The following ERN1 variants were observed in gnomAD, a reference collection of about 807,000 sequenced individuals.
ERN1 encodes the protein serine/threonine-protein kinase/endoribonuclease IRE1.
Under a neutral mutation model 113.1 loss-of-function variants are expected in ERN1, and 39 were observed. The ratio of observed to expected loss-of-function variants is 0.34; its 90% CI spans 0.27 to 0.45. The LOEUF (loss-of-function observed/expected upper bound fraction) is 0.45. ERN1 is among the 20% of genes least tolerant of loss of function. The probability of loss-of-function intolerance (pLI) is 1.00; values close to 1 mark genes in which losing one functional copy is unlikely to be tolerated. For missense variants in ERN1, 976 were observed against 1,274.8 expected (o/e 0.77, Z 3.57); for synonymous variants, 507 against 515.9 (o/e 0.98, Z 0.23).
intron 10 of ERN1, 123 bp from the exon 11 acceptor site, chr17:64,060,710 TGTGA>T (rs1288954261): frequency 3.0e-6 from 2 of 674,586 alleles, no homozygotes; most frequent in Non-Finnish European, 5.3e-6. Context: ...TCAGCAGGAC[TGTGA>T]GTTAGAGAAA....
rs1913747175 is a variant in ERN1 at position 64,080,927 on chromosome 17, A to ACATGGGCTAGTGCACGTGAAGGTTATATG, written c.176-148_176-120dup. 3 of 916,394 alleles carry ACATGGGCTAGTGCACGTGAAGGTTATATG rather than the reference A, an allele frequency of 3.3e-6. No individual in the cohort carries two copies. The East Asian group carries it at 7.9e-5, about 24-fold the overall frequency. 56.8% of individuals were successfully genotyped at this position (916,394 alleles called of 1,614,324 possible). A position where few individuals can be genotyped will look rare whatever the true frequency, so the allele number is the denominator to read the frequency against. On this transcript the variant is annotated intron_variant, in intron 2 of 21. Coordinates refer to ENST00000433197, the MANE Select transcript of ERN1 (RefSeq NM_001433.5). ...ATAACTTTCTCCCTCCTGTTAACCT[A>ACATGGGCTAGTGCACGTGAAGGTTATATG]CATGGGCTAGTGCACGTGAAGGTTA... is the stretch of plus-strand genomic sequence containing the variant.
intron 1 of ERN1, among the ~76,000 whole-genome samples, chr17:64,099,074 T>C (rs1240033849): frequency 6.6e-6 from 1 of 152,214 alleles, no homozygotes; most frequent in African/African-American, 2.4e-5. Flanking sequence ...ACGTCCCATT[T>C]ATAAACACAA....
chr17:64,128,154 C>T (rs984679600), intron 1 of ERN1, among the ~76,000 whole-genome samples: 1 of 149,788 alleles, frequency 6.7e-6, no homozygotes, highest in Non-Finnish European at 1.5e-5. Flanking sequence ...GCTACCACGC[C>T]CGGCTAATTT....
At chr17:64,121,290 T>C (rs1328778114) in intron 1 of ERN1, among the ~76,000 whole-genome samples, 4 of 152,176 alleles carry the variant, frequency 2.6e-5, no homozygotes, top group African/African-American at 7.2e-5. Flanking sequence ...AAGAGTTCTA[T>C]CTTTTCAGGA....
intron 1 of ERN1, among the ~76,000 whole-genome samples, chr17:64,117,646 T>C (rs1163522230): frequency 6.6e-6 from 1 of 151,982 alleles, no homozygotes; most frequent in Non-Finnish European, 1.5e-5. Context: ...AGTGACGTGG[T>C]GCTATTTGGA....
At chr17:64,117,617 GT>G (rs1281038694) in intron 1 of ERN1, among the ~76,000 whole-genome samples, 1 of 152,122 alleles carries the variant, frequency 6.6e-6, no homozygotes, top group Non-Finnish European at 1.5e-5. Context: ...GCACCAACCT[GT>G]ACATTACCCC....
intron 1 of ERN1, among the ~76,000 whole-genome samples, chr17:64,113,809 A>C (rs569588851): frequency 6.6e-6 from 1 of 152,096 alleles, no homozygotes; most frequent in Admixed American, 6.5e-5. Flanking sequence ...CAGCCTCCCG[A>C]GTAGCTGGGA....
chr17:64,055,886 C>G lies in ERN1; in HGVS notation c.1461G>C (p.Gln487His), dbSNP rs775088353. 1.3e-6 allele frequency: 2 copies of G among 1,550,990 alleles called. No individual in the cohort carries two copies. The highest frequency in any genetic ancestry group is 1.2e-5 in the South Asian group (1 of 84,052). Residue 487 changes from glutamine to histidine, a missense_variant, in exon 13 of 22, where the codon CAG (glutamine) becomes CAC (histidine). Gln to His is a conservative substitution (Grantham distance 24, BLOSUM62 0). Transcript: ENST00000433197. ...GCTGCTGCTGCTGCTGCTGCAGGAG[C>G]TGGATCTTCTCCAGTTCCTTCTGGA... ...QQFQKELEKI[Q>H]LLQQQQQQLP...
chr17:64,055,641 C>T (rs1912836547), intron 13 of ERN1, 34 bp downstream of exon 13: 1 of 1,532,292 alleles, frequency 6.5e-7, no homozygotes, highest in Non-Finnish European at 8.8e-7. Context: ...TCGAATAAAA[C>T]ATAAAATAGC....
intron 2 of ERN1, among the ~76,000 whole-genome samples, chr17:64,081,797 C>T (rs1448033586): frequency 2.0e-5 from 3 of 152,138 alleles, no homozygotes; most frequent in Non-Finnish European, 4.4e-5. Context: ...TTCTTCCCTC[C>T]CTAGATTTTC....
Position 64,063,336 on chromosome 17 carries a change from ACACT to A in ERN1, c.1087+646_1087+649del, listed in dbSNP as rs917433993. Among the ~76,000 whole-genome samples the A allele has an allele frequency of 1.3e-5, 2 of 152,206 alleles. No individual in the cohort carries two copies. Among genetic ancestry groups the A allele is most frequent in the African/African-American group, 4.8e-5 (2 of 41,444 alleles). On this transcript the variant is annotated intron_variant, in intron 10 of 21. Transcript: ENST00000433197. This position sits in a 1 kb window ranked among gnomAD's most constrained non-coding sequence, Gnocchi z 5.1. ...CTTCTCACTTCCGCCTTCGTTTGTC[ACACT>A]CACTGCCAACTCAAGAAGTGTCATC...
At chr17:64,117,168 C>T (rs1303719482) in intron 1 of ERN1, among the ~76,000 whole-genome samples, 1 of 145,044 alleles carries the variant, frequency 6.9e-6, no homozygotes, top group Admixed American at 6.8e-5. Context: ...TGTGGCCAGG[C>T]GCAGTGGCTC....
At chr17:64,097,838 G>C (rs1261329614) in intron 2 of ERN1, 3 of 337,406 alleles carry the variant, frequency 8.9e-6, no homozygotes, top group Non-Finnish European at 1.1e-5. Context: ...CAACTAGCTA[G>C]AGCTATTAAT....
intron 1 of ERN1, among the ~76,000 whole-genome samples, chr17:64,110,789 A>G (rs550962528): frequency 7.2e-5 from 11 of 152,366 alleles, no homozygotes; most frequent in African/African-American, 2.6e-4. Context: ...GGCTTCTCTG[A>G]GAAGCGATCT....
At chr17:64,116,870 C>CAAA (rs1419031248) in intron 1 of ERN1, among the ~76,000 whole-genome samples, 3 of 149,470 alleles carry the variant, frequency 2.0e-5, no homozygotes, top group South Asian at 2.1e-4. Flanking sequence ...TTTGGGAGGC[C>CAAA]GAGGTGGGCG....
intron 1 of ERN1, 194 bp from the exon 2 acceptor site, chr17:64,098,435 C>A: frequency 1.3e-6 from 1 of 762,626 alleles, no homozygotes. Context: ...AAGCAGTGAT[C>A]CTGCCTGCAG....
At chr17:64,092,873 G>A (rs117852113) in intron 2 of ERN1, among the ~76,000 whole-genome samples, 2,899 of 152,214 alleles carry the variant, frequency 0.019, 37 homozygotes, top group South Asian at 0.045. Flanking sequence ...TTTGCATTTC[G>A]TCTAAAAGTA....
chr17:64,097,162 T>C lies in ERN1; in HGVS notation c.175+959A>G, dbSNP rs1419062724. On this transcript the variant is annotated intron_variant, in intron 2 of 21. Transcript: ENST00000433197. ...TGGTCTTTGGGCTGCTTAAAGTTCC[T>C]GCTGATCCAAGCAGGGCCCATGCAG... Among the ~76,000 whole-genome samples, 4 of 152,230 alleles carry C rather than the reference T, an allele frequency of 2.6e-5. No homozygotes were observed. The East Asian group carries it at 7.7e-4, about 29-fold the overall frequency.
At chr17:64,080,893 G>T in intron 2 of ERN1, 85 bp from the exon 3 acceptor site, 2 of 1,377,400 alleles carry the variant, frequency 1.5e-6, no homozygotes, top group Non-Finnish European at 2.0e-6. Flanking sequence ...AGGCCAAGTT[G>T]TACCGGTAAT....
Sources: allele counts gnomAD v4.1 joint callset (sites outside exome capture counted in the v4.1 genomes callset), GRCh38; gene constraint gnomAD v4.1.1; non-coding constraint Gnocchi (gnomAD v3.1); transcripts MANE v1.5; gene names NCBI Gene and HGNC (gene_info 2026-07-23, HGNC 2026-07-21).